Variants in TENM1 observed in about 807,000 individuals in gnomAD.
TENM1 encodes teneurin transmembrane protein 1.
A neutral mutation model predicts 174.8 loss-of-function variants in TENM1; 35 were observed. That is an observed-to-expected ratio of 0.20 (90% CI 0.15 to 0.27). The LOEUF is 0.27. Ranked by LOEUF, TENM1 falls within the 10% of genes least tolerant of loss-of-function variation. TENM1 has a pLI of 1.00. For missense variants in TENM1, 1,633 were observed against 2,130.1 expected (o/e 0.77, Z 4.59); for synonymous variants, 781 against 798.7 (o/e 0.98, Z 0.37).
At chrX:124,889,911 C>T (rs1164452499) in intron 3 of TENM1, among the ~76,000 whole-genome samples, 6 of 111,373 alleles carry the variant, frequency 5.4e-5, no homozygotes, top group Non-Finnish European at 9.4e-5. Flanking sequence ...CCATAATAGG[C>T]GATCTTAACT....
chrX:124,765,657 G>A (rs1439499141), intron 3 of TENM1, among the ~76,000 whole-genome samples: 3 of 112,230 alleles, frequency 2.7e-5, no homozygotes, highest in Non-Finnish European at 5.6e-5. Context: ...CTGCAAATGC[G>A]TTTATGACAC....
At chrX:124,865,197 T>C (rs2056979887) in intron 3 of TENM1, among the ~76,000 whole-genome samples, 1 of 111,547 alleles carries the variant, frequency 9.0e-6, no homozygotes, top group Non-Finnish European at 1.9e-5. Flanking sequence ...ATAGTAAGTA[T>C]ACAGAAAAAC....
chrX:125,109,177 G>A, the TENM1 span, among the ~76,000 whole-genome samples: 3 of 107,020 alleles, frequency 2.8e-5, no homozygotes. Flanking sequence ...TCTACATGAC[G>A]CACACACTTA....
chrX:125,160,568 A>AT, the TENM1 span, among the ~76,000 whole-genome samples: 13 of 104,847 alleles, frequency 1.2e-4, no homozygotes, highest in African/African-American at 4.5e-4. Context: ...AAAAAAAAAA[A>AT]ACAGAGAGAG....
the TENM1 span, among the ~76,000 whole-genome samples, chrX:125,004,144 A>C: frequency 8.9e-6 from 1 of 112,038 alleles, no homozygotes. Context: ...TCAACACAAC[A>C]GGTGATTCTC....
chrX:125,038,579 A>G, the TENM1 span, among the ~76,000 whole-genome samples: 2 of 111,344 alleles, frequency 1.8e-5, no homozygotes, highest in Non-Finnish European at 3.8e-5. Flanking sequence ...TGAGGACCGA[A>G]CAGGAGTAGA....
At chrX:124,581,024 T>G (rs1602704993) in intron 11 of TENM1, among the ~76,000 whole-genome samples, 1 of 109,516 alleles carries the variant, frequency 9.1e-6, no homozygotes, top group African/African-American at 3.3e-5. Flanking sequence ...TGGCCTCCAG[T>G]TCCATCCGTG....
chrX:124,579,766 A>G (rs2049256742), intron 11 of TENM1, among the ~76,000 whole-genome samples: 1 of 112,068 alleles, frequency 8.9e-6, no homozygotes, highest in Non-Finnish European at 1.9e-5. Flanking sequence ...AATTGATTTA[A>G]CAAACATTTA....
At chrX:125,023,491 GTA>G in the TENM1 span, among the ~76,000 whole-genome samples, 1 of 111,039 alleles carries the variant, frequency 9.0e-6, no homozygotes, top group South Asian at 3.8e-4. Context: ...CGTCAACCAG[GTA>G]GATAAGATTC....
intron 19 of TENM1, among the ~76,000 whole-genome samples, chrX:124,499,271 T>C (rs1047983850): frequency 1.8e-5 from 2 of 111,620 alleles, no homozygotes; most frequent in African/African-American, 6.5e-5. Context: ...ACAGAAACTA[T>C]TGATCACTCT....
chrX:125,007,032 T>C, the TENM1 span, among the ~76,000 whole-genome samples: 1 of 110,674 alleles, frequency 9.0e-6, no homozygotes, highest in Non-Finnish European at 1.9e-5. Flanking sequence ...ATGAGATGGA[T>C]AAATCGAAAG....
intron 25 of TENM1, among the ~76,000 whole-genome samples, chrX:124,413,658 G>T (rs2060561387): frequency 8.9e-6 from 1 of 112,035 alleles, no homozygotes; most frequent in Admixed American, 9.4e-5. Context: ...CCTTATCAAG[G>T]GCATAAAGCA....
At chrX:125,098,195 C>T in the TENM1 span, among the ~76,000 whole-genome samples, 1 of 111,347 alleles carries the variant, frequency 9.0e-6, no homozygotes, top group South Asian at 3.8e-4. Flanking sequence ...ACCTGGGAGG[C>T]GGAGCTTGCA....
chrX:124,441,484 T>G (rs1394142792), intron 23 of TENM1, among the ~76,000 whole-genome samples: 1 of 112,315 alleles, frequency 8.9e-6, no homozygotes, highest in Non-Finnish European at 1.9e-5. Context: ...CCTGCTATGG[T>G]TGATGTAGAT....
intron 14 of TENM1, among the ~76,000 whole-genome samples, chrX:124,558,956 T>C (rs756381247): frequency 8.9e-6 from 1 of 112,120 alleles, no homozygotes; most frequent in South Asian, 3.7e-4. Flanking sequence ...TGAAATCTTC[T>C]ATGTCTTCTG....
the TENM1 span, among the ~76,000 whole-genome samples, chrX:125,095,579 AAAGT>A: frequency 8.9e-6 from 1 of 112,285 alleles, no homozygotes; most frequent in African/African-American, 3.2e-5. Flanking sequence ...CACACATTTA[AAAGT>A]ATCTATTATT....
At chrX:124,994,222 T>TG in the TENM1 span, among the ~76,000 whole-genome samples, 1 of 87,584 alleles carries the variant, frequency 1.1e-5, no homozygotes, top group African/African-American at 4.7e-5. Context: ...CTGACTTTTT[T>TG]TTTTTTTTTT....
intron 27 of TENM1, among the ~76,000 whole-genome samples, chrX:124,404,270 T>C (rs1473915573): frequency 1.8e-5 from 2 of 111,342 alleles, no homozygotes; most frequent in African/African-American, 3.3e-5. Flanking sequence ...AGGGCTGATA[T>C]TGAATGTTAC....
chrX:125,071,174 G>A, the TENM1 span, among the ~76,000 whole-genome samples: 1 of 111,425 alleles, frequency 9.0e-6, no homozygotes, highest in Non-Finnish European at 1.9e-5. Flanking sequence ...TCCCACAAAA[G>A]CGACCAGATC....
Sources: gnomAD v4.1 joint callset for allele counts (sites outside exome capture counted in the v4.1 genomes callset) on GRCh38, gnomAD v4.1.1 for gene constraint, MANE v1.5 for transcripts, NCBI Gene and HGNC (gene_info 2026-07-23, HGNC 2026-07-21) for gene names.